Variants in GAS7 observed in about 807,000 individuals in gnomAD.
GAS7 encodes the protein growth arrest specific 7, also known as growth arrest-specific protein 7.
GAS7 carries 28 observed loss-of-function variants against 71.1 expected under a neutral mutation model. The ratio of observed to expected loss-of-function variants is 0.39; its 90% CI spans 0.29 to 0.54. GAS7 has a LOEUF of 0.54. Ranked by LOEUF, GAS7 falls within the 20% of genes least tolerant of loss-of-function variation. The pLI, the probability that GAS7 is intolerant of heterozygous loss-of-function variation, is 0.62. For missense variants in GAS7, 436 were observed against 627.8 expected (o/e 0.69, Z 3.27); for synonymous variants, 258 against 245.8 (o/e 1.05, Z -0.46).
intron 3 of GAS7, among the ~76,000 whole-genome samples, chr17:9,971,858 C>T (rs1197118192): frequency 2.6e-5 from 4 of 152,278 alleles, no homozygotes; most frequent in East Asian, 3.9e-4. Flanking sequence ...TCATTTGGAG[C>T]GACGAGGACT....
At chr17:10,126,334 A>ACACACACGCT (rs2073946349) in intron 1 of GAS7, among the ~76,000 whole-genome samples, 1 of 50,584 alleles carries the variant, frequency 2.0e-5, no homozygotes, top group Non-Finnish European at 5.4e-5. Flanking sequence ...ACACACGCTC[A>ACACACACGCT]CACACACACT....
At chr17:10,144,140 T>C (rs1279612221) in intron 1 of GAS7, among the ~76,000 whole-genome samples, 1 of 150,896 alleles carries the variant, frequency 6.6e-6, no homozygotes, top group Non-Finnish European at 1.5e-5. Context: ...GAGACTCTAG[T>C]AACTCAAGGA....
rs139899515 is a variant in GAS7 at position 10,113,250 on chromosome 17, G to C, written c.183+84958C>G. On this transcript the variant is annotated intron_variant, in intron 1 of 13. Transcript: ENST00000432992. ...TCGCTGCTAGCAGAAGTGTAAGCTA[G>C]AACAGTCTTGTTAGAGGCAATCTGG... Among the ~76,000 whole-genome samples the C allele has an allele frequency of 4.0e-3, 605 of 152,308 alleles. 2 individuals carry two copies. Among genetic ancestry groups the C allele is most frequent in the Non-Finnish European group, 6.8e-3 (461 of 68,026 alleles).
intron 1 of GAS7, among the ~76,000 whole-genome samples, chr17:10,102,923 T>G (rs1227008594): frequency 6.6e-6 from 1 of 152,140 alleles, no homozygotes; most frequent in Non-Finnish European, 1.5e-5. Context: ...CCTGGACACA[T>G]TTTAGGAAAC....
At chr17:10,176,242 G>T (rs1354141041) in intron 1 of GAS7, among the ~76,000 whole-genome samples, 1 of 152,178 alleles carries the variant, frequency 6.6e-6, no homozygotes, top group African/African-American at 2.4e-5. Flanking sequence ...TTAGGAGGAG[G>T]CCTCAGAAGC....
At chr17:10,030,048 G>A (rs1218337272) in intron 1 of GAS7, among the ~76,000 whole-genome samples, 2 of 152,072 alleles carry the variant, frequency 1.3e-5, no homozygotes, top group Non-Finnish European at 2.9e-5. Flanking sequence ...TGACCAGTTG[G>A]CATCCATCCT....
chr17:9,917,186 C>T lies in GAS7; in HGVS notation c.*42G>A, dbSNP rs1454891536. On this transcript the variant is annotated 3_prime_UTR_variant, in exon 14 of 14. Transcript: ENST00000432992. ...CATGGGCCCCATGGTGGGAGCCCAGCCCCCCTCCCCAGCAGGACCCCCCGA... is the reference window on the plus strand; with the variant it reads ...CATGGGCCCCATGGTGGGAGCCCAGTCCCCCTCCCCAGCAGGACCCCCCGA... 6.4e-6 allele frequency: 7 copies of T among 1,102,062 alleles called. No individual in the cohort carries two copies. Among genetic ancestry groups the T allele is most frequent in the Non-Finnish European group, 8.4e-6 (6 of 713,056 alleles). 68.3% of individuals were successfully genotyped at this position (1,102,062 alleles called of 1,614,324 possible).
chr17:10,131,676 T>G (rs931725996), intron 1 of GAS7, among the ~76,000 whole-genome samples: 1 of 152,214 alleles, frequency 6.6e-6, no homozygotes, highest in African/African-American at 2.4e-5. Context: ...TTCCTGCATG[T>G]ATGAATACAT....
intron 1 of GAS7, among the ~76,000 whole-genome samples, chr17:10,048,184 C>T (rs74977157): frequency 7.9e-5 from 12 of 152,136 alleles, no homozygotes; most frequent in African/African-American, 2.9e-4. Flanking sequence ...CACCTGTAAT[C>T]CCAGCTACTT....
At chr17:9,938,766 T>TCACA (rs1018582962) in intron 8 of GAS7, among the ~76,000 whole-genome samples, 36 of 152,272 alleles carry the variant, frequency 2.4e-4, no homozygotes, top group Admixed American at 1.4e-3. Context: ...TTTTAAGCAG[T>TCACA]CACAACCCAT....
chr17:10,090,699 CAATTTCATGCCAGGGCATGA>C lies in GAS7; in HGVS notation c.184-70822_184-70803del, dbSNP rs2073573500. Among the ~76,000 whole-genome samples the C allele has an allele frequency of 7.2e-5, 11 of 152,260 alleles. No homozygotes were observed. In the South Asian group the frequency reaches 2.3e-3, roughly 32 times the overall value. ...TGCCAGTGCATTTCACAAATGACAT[CAATTTCATGCCAGGGCATGA>C]AATCACTGAAGCCAGTTAACATCCT... On this transcript the variant is annotated intron_variant, in intron 1 of 13. Coordinates refer to ENST00000432992, the MANE Select transcript of GAS7 (RefSeq NM_201433.2).
At chr17:10,053,219 A>C (rs1429234945) in intron 1 of GAS7, among the ~76,000 whole-genome samples, 1 of 152,164 alleles carries the variant, frequency 6.6e-6, no homozygotes, top group East Asian at 1.9e-4. Context: ...CAAATGAATA[A>C]AATGGACCAA....
chr17:10,193,108 C>A (rs971790816), intron 1 of GAS7, among the ~76,000 whole-genome samples: 26 of 152,226 alleles, frequency 1.7e-4, no homozygotes, highest in Admixed American at 1.3e-3. Flanking sequence ...TCCACTATGT[C>A]TATGAATCAT....
At chr17:10,139,117 A>G (rs554145663) in intron 1 of GAS7, among the ~76,000 whole-genome samples, 1 of 152,230 alleles carries the variant, frequency 6.6e-6, no homozygotes, top group African/African-American at 2.4e-5. Flanking sequence ...GAAAATATAA[A>G]TGCTATCTAA....
chr17:10,131,303 G>A (rs1201800236), intron 1 of GAS7, among the ~76,000 whole-genome samples: 2 of 152,188 alleles, frequency 1.3e-5, no homozygotes, highest in Non-Finnish European at 2.9e-5. Context: ...ACATTGCTTG[G>A]GTTAGCAATC....
At position 10,034,677 on chromosome 17, in the gene GAS7, G is replaced by C. The variant is rs1567559914; in HGVS notation, c.184-14780C>G. ...ATGCCATTTTAATAGGAGAAAAAAA[G>C]TCACATTCAAGTGTAGACATGGGCA... is the stretch of plus-strand genomic sequence containing the variant. On this transcript the variant is annotated intron_variant, in intron 1 of 13. Coordinates refer to ENST00000432992, the MANE Select transcript of GAS7 (RefSeq NM_201433.2). This position sits in a 1 kb window ranked among gnomAD's most constrained non-coding sequence, Gnocchi z 4.4. Among the ~76,000 whole-genome samples the C allele has an allele frequency of 6.6e-6, 1 of 152,186 alleles. No homozygotes were observed. The highest frequency in any genetic ancestry group is 1.5e-5 in the Non-Finnish European group (1 of 68,032).
intron 1 of GAS7, among the ~76,000 whole-genome samples, chr17:10,085,306 G>C (rs936349220): frequency 2.6e-5 from 4 of 152,116 alleles, no homozygotes; most frequent in Non-Finnish European, 5.9e-5. Flanking sequence ...CCTGTCCTTG[G>C]GAGTGTCAGC....
chr17:9,917,611 T>C (rs1308094640), intron 13 of GAS7, among the ~76,000 whole-genome samples: 1 of 152,222 alleles, frequency 6.6e-6, no homozygotes, highest in Non-Finnish European at 1.5e-5. Flanking sequence ...CTCTATCCCT[T>C]CCACCCCACA....
At chr17:10,116,047 A>T (rs1567598308) in intron 1 of GAS7, among the ~76,000 whole-genome samples, 2 of 152,222 alleles carry the variant, frequency 1.3e-5, no homozygotes. Flanking sequence ...ATGGTGGCTC[A>T]CGACTGTAAT....
Sources: allele counts gnomAD v4.1 joint callset (sites outside exome capture counted in the v4.1 genomes callset), GRCh38; gene constraint gnomAD v4.1.1; non-coding constraint Gnocchi (gnomAD v3.1); transcripts MANE v1.5; gene names NCBI Gene and HGNC (gene_info 2026-07-23, HGNC 2026-07-21).